The following PALM2AKAP2 variants were observed in gnomAD, a reference collection of about 807,000 sequenced individuals.
The protein encoded by PALM2AKAP2 is PALM2 and AKAP2 fusion.
In PALM2AKAP2, 37 loss-of-function variants were observed where a neutral mutation model predicts 71.5. The observed-to-expected ratio is 0.52, with a 90% CI of 0.40 to 0.68. PALM2AKAP2 has a LOEUF of 0.68. PALM2AKAP2 is among the 30% of genes least tolerant of loss of function. The probability of loss-of-function intolerance (pLI) is 0.00; values close to 1 mark genes in which losing one functional copy is unlikely to be tolerated. For synonymous variants in PALM2AKAP2, 468 were observed against 478.8 expected (o/e 0.98, Z 0.29); for missense variants, 1,224 against 1,191.8 (o/e 1.03, Z -0.40).
intron 1 of PALM2AKAP2, among the ~76,000 whole-genome samples, chr9:110,064,856 C>T (rs545959230): frequency 1.3e-4 from 20 of 152,304 alleles, no homozygotes; most frequent in African/African-American, 3.6e-4. Context: ...TCTGGCATTG[C>T]GCACCAGATA....
intron 1 of PALM2AKAP2, among the ~76,000 whole-genome samples, chr9:109,650,194 A>C (rs1827206625): frequency 6.6e-6 from 1 of 151,842 alleles, no homozygotes; most frequent in African/African-American, 2.4e-5. Context: ...GATGTCCCCC[A>C]CGTTTTGCCA....
intron 1 of PALM2AKAP2, among the ~76,000 whole-genome samples, chr9:110,067,091 A>C (rs1834096461): frequency 6.6e-6 from 1 of 152,180 alleles, no homozygotes; most frequent in Admixed American, 6.5e-5. Context: ...ACTATTAGTC[A>C]TTCTAACGTT....
intron 7 of PALM2AKAP2, among the ~76,000 whole-genome samples, chr9:110,017,614 T>C (rs746314692): frequency 1.3e-5 from 2 of 152,098 alleles, no homozygotes; most frequent in Non-Finnish European, 2.9e-5. Flanking sequence ...TTGAGAAGAG[T>C]TGCTAGTGGG....
intron 6 of PALM2AKAP2, among the ~76,000 whole-genome samples, chr9:109,972,344 T>C (rs915298957): frequency 2.6e-5 from 4 of 152,220 alleles, no homozygotes; most frequent in Non-Finnish European, 4.4e-5. Flanking sequence ...TGAGTATTCT[T>C]TGGGGAACCT....
At chr9:109,688,161 A>T (rs918305699) in intron 1 of PALM2AKAP2, among the ~76,000 whole-genome samples, 3 of 152,246 alleles carry the variant, frequency 2.0e-5, no homozygotes, top group African/African-American at 7.2e-5. Context: ...CCAAAATGCG[A>T]CATAGAGACA....
intron 1 of PALM2AKAP2, among the ~76,000 whole-genome samples, chr9:110,087,717 C>G (rs1834605787): frequency 6.6e-6 from 1 of 152,218 alleles, no homozygotes; most frequent in African/African-American, 2.4e-5. Context: ...TCATTTCATT[C>G]ATTGACTCAA....
intron 2 of PALM2AKAP2, among the ~76,000 whole-genome samples, chr9:110,149,292 G>C (rs1439701203): frequency 6.6e-6 from 1 of 152,224 alleles, no homozygotes; most frequent in East Asian, 1.9e-4. Flanking sequence ...CCATTGCAGA[G>C]ATGAACAGTT....
rs564942057 is a variant in PALM2AKAP2, at chr9:110,057,040, ACGCCTTGT to A, written c.156+8187_156+8194del. Among the ~76,000 whole-genome samples, 51 of 152,246 alleles carry A rather than the reference ACGCCTTGT, an allele frequency of 3.3e-4. No individual in the cohort carries two copies. In the East Asian group the frequency reaches 6.6e-3, roughly 20 times the overall value. ...AGGGAATTCCCTGTAATTCCCAGGG[ACGCCTTGT>A]CCTTGCGGTTCCCAGGCAGGATGGT... On this transcript the variant is annotated intron_variant, in intron 1 of 3. Coordinates refer to ENST00000374525, the Ensembl canonical transcript of PALM2AKAP2.
At chr9:110,072,685 T>C (rs1412396282) in intron 1 of PALM2AKAP2, among the ~76,000 whole-genome samples, 1 of 152,086 alleles carries the variant, frequency 6.6e-6, no homozygotes, top group Admixed American at 6.5e-5. Context: ...TATAGAGGTG[T>C]CTGAACCACC....
chr9:110,035,288 G>GTATTATATGTATAA (rs1833363804), intron 7 of PALM2AKAP2, among the ~76,000 whole-genome samples: 1 of 67,372 alleles, frequency 1.5e-5, no homozygotes, highest in Non-Finnish European at 2.5e-5. Flanking sequence ...TATACATATT[G>GTATTATATGTATAA]TACATATGTA....
At chr9:109,696,059 G>A (rs1256299248) in intron 1 of PALM2AKAP2, among the ~76,000 whole-genome samples, 1 of 152,110 alleles carries the variant, frequency 6.6e-6, no homozygotes, top group East Asian at 1.9e-4. Flanking sequence ...ATTTGAAGTA[G>A]TAGACTCCCA....
chr9:109,713,370 G>T (rs778800024), intron 1 of PALM2AKAP2, among the ~76,000 whole-genome samples: 7 of 151,890 alleles, frequency 4.6e-5, no homozygotes, highest in Admixed American at 2.0e-4. Context: ...ATCAACAGGT[G>T]GTAAGAAAGG....
exon 4 of PALM2AKAP2, chr9:110,172,280 T>C (rs1197905122): frequency 6.5e-6 from 1 of 152,682 alleles, no homozygotes. Context: ...ATTTTGATTT[T>C]GTGTTGCTCT....
intron 1 of PALM2AKAP2, among the ~76,000 whole-genome samples, chr9:109,662,033 C>T (rs1827405505): frequency 6.6e-6 from 1 of 152,204 alleles, no homozygotes; most frequent in South Asian, 2.1e-4. Context: ...TGAGACTTTG[C>T]TGAAGTTGCT....
intron 3 of PALM2AKAP2, among the ~76,000 whole-genome samples, chr9:109,910,291 G>A (rs1830539554): frequency 6.6e-6 from 1 of 152,182 alleles, no homozygotes; most frequent in Non-Finnish European, 1.5e-5. Flanking sequence ...AGAAAGATGA[G>A]TTTGGTCCTG....
At chr9:109,644,828 A>G (rs1026561876) in intron 1 of PALM2AKAP2, among the ~76,000 whole-genome samples, 1 of 152,210 alleles carries the variant, frequency 6.6e-6, no homozygotes, top group Non-Finnish European at 1.5e-5. Flanking sequence ...CCTTTGCTCC[A>G]GTTCCCAACA....
At chr9:110,156,386 A>T in exon 3 of PALM2AKAP2, 1 of 1,612,364 alleles carries the variant, frequency 6.2e-7, no homozygotes, top group Non-Finnish European at 8.5e-7. Flanking sequence ...AGCCTGACTT[A>T]GCCCCTGAAG....
At chr9:110,041,580 C>T (rs1041275465) in intron 7 of PALM2AKAP2, among the ~76,000 whole-genome samples, 4 of 152,010 alleles carry the variant, frequency 2.6e-5, no homozygotes, top group African/African-American at 9.7e-5. Context: ...TGCGAGGATG[C>T]AGGGAAAGGA....
chr9:109,667,488 C>A (rs901127510), intron 1 of PALM2AKAP2, among the ~76,000 whole-genome samples: 1 of 152,152 alleles, frequency 6.6e-6, no homozygotes, highest in Non-Finnish European at 1.5e-5. Flanking sequence ...CAAGCAAGAC[C>A]TTTTAAACGA....
Sources: gnomAD v4.1 joint callset for allele counts (sites outside exome capture counted in the v4.1 genomes callset) on GRCh38, gnomAD v4.1.1 for gene constraint, MANE v1.5 for transcripts, NCBI Gene and HGNC (gene_info 2026-07-23, HGNC 2026-07-21) for gene names.